Variants in ACVR1C observed in about 807,000 individuals in gnomAD.
The protein encoded by ACVR1C is activin receptor type-1C.
ACVR1C carries 23 observed loss-of-function variants against 57.9 expected under a neutral mutation model. The ratio of observed to expected loss-of-function variants is 0.40; its 90% CI spans 0.29 to 0.56. The LOEUF is 0.56. Ranked by LOEUF, ACVR1C falls within the 20% of genes least tolerant of loss-of-function variation. The pLI is 0.50. For synonymous variants in ACVR1C, 214 were observed against 215.3 expected (o/e 0.99, Z 0.05); for missense variants, 480 against 607.9 (o/e 0.79, Z 2.21).
At chr2:157,594,018 A>G (rs1162829818) in intron 1 of ACVR1C, among the ~76,000 whole-genome samples, 2 of 152,150 alleles carry the variant, frequency 1.3e-5, no homozygotes, top group Non-Finnish European at 2.9e-5. Flanking sequence ...CCTGTTAAAG[A>G]AGGCCTCACC....
At position 157,527,498 on chromosome 2, in the gene ACVR1C, AATTAGT is replaced by A; in HGVS notation, c.*6414_*6419del. The A allele has an allele frequency of 6.6e-6, 1 of 152,200 alleles. No individual in the cohort carries two copies. The highest frequency in any genetic ancestry group is 1.9e-4 in the East Asian group (1 of 5,208). The allele number at this position is 152,200 out of a possible 1,614,324, so 9.4% of individuals were successfully genotyped here. A position where few individuals can be genotyped will look rare whatever the true frequency, so the allele number is the denominator to read the frequency against. On this transcript the variant is annotated 3_prime_UTR_variant, in exon 9 of 9. Coordinates refer to ENST00000243349, the MANE Select transcript of ACVR1C (RefSeq NM_145259.3). The stretch of plus-strand genomic sequence containing the variant: ...AGTCACGCTACCAAAAGAAAAGTAT[AATTAGT>A]ATTAGTACTTTGAAAGTCAATCCAA...
rs770150920 is a variant in ACVR1C at position 157,538,555 on chromosome 2, A to AT, written c.1356+17dup. ...CAAAAATATAATAAGAAAAATATAG[A>AT]TAAAAACATGGCCTTACTTCACAAC... is the stretch of plus-strand genomic sequence containing the variant. On this transcript the variant is annotated intron_variant, in intron 8 of 8. Transcript: ENST00000243349. 6.5e-7 allele frequency: 1 copy of AT among 1,541,470 alleles called. No individual in the cohort carries two copies. Among genetic ancestry groups the AT allele is most frequent in the East Asian group, 2.3e-5 (1 of 42,666 alleles).
chr2:157,556,356 A>G (rs1223414803), intron 2 of ACVR1C, 24 bp from the exon 3 acceptor site: 1 of 1,609,538 alleles, frequency 6.2e-7, no homozygotes, highest in East Asian at 2.2e-5. Flanking sequence ...AAGAAAGAAC[A>G]TGACCATAAA....
At chr2:157,624,619 G>T (rs780366276) in intron 1 of ACVR1C, among the ~76,000 whole-genome samples, 1 of 152,136 alleles carries the variant, frequency 6.6e-6, no homozygotes, top group Non-Finnish European at 1.5e-5. Flanking sequence ...AGAAAACTAG[G>T]TATCCTTTCA....
intron 1 of ACVR1C, among the ~76,000 whole-genome samples, chr2:157,614,117 C>T (rs1682591873): frequency 6.6e-6 from 1 of 152,090 alleles, no homozygotes; most frequent in Non-Finnish European, 1.5e-5. Flanking sequence ...AAGGAATTTG[C>T]TCATTTTACC....
chr2:157,598,973 T>C (rs1316883636), intron 1 of ACVR1C, among the ~76,000 whole-genome samples: 1 of 152,028 alleles, frequency 6.6e-6, no homozygotes, highest in Non-Finnish European at 1.5e-5. Context: ...GGAAATGTTG[T>C]CTCAAGTGGA....
chr2:157,537,149 C>T (rs960146387), intron 8 of ACVR1C, among the ~76,000 whole-genome samples: 1 of 151,878 alleles, frequency 6.6e-6, no homozygotes, highest in Non-Finnish European at 1.5e-5. Context: ...AAGTAAACAA[C>T]ATATTGTTAT....
chr2:157,536,915 G>A (rs1358905440), intron 8 of ACVR1C, among the ~76,000 whole-genome samples: 1 of 152,078 alleles, frequency 6.6e-6, no homozygotes, highest in Non-Finnish European at 1.5e-5. Context: ...TGTATATTTG[G>A]TTTAACACTG....
Position 157,544,595 on chromosome 2 carries a change from G to A in ACVR1C, c.793C>T (p.Gln265Ter). 1 of 1,611,112 alleles carries A rather than the reference G, an allele frequency of 6.2e-7. No individual in the cohort carries two copies. Among genetic ancestry groups the A allele is most frequent in the Non-Finnish European group, 8.5e-7 (1 of 1,178,782 alleles). Reference sequence around the variant, plus strand: ...TGATATTCAGATACCAGCCAAAGTTGAGTCCAAGTTCCATTATCTAACAAG... The same window carrying A: ...TGATATTCAGATACCAGCCAAAGTTAAGTCCAAGTTCCATTATCTAACAAG... ...ADNKDNGTWT[Q>*]LWLVSEYHEQ... The change falls in exon 5 of 9, where the codon CAA (glutamine) becomes TAA (stop). Residue 265 changes from glutamine (Q) to a stop codon, truncating the protein, a stop_gained. Transcript: ENST00000243349. LOFTEE classifies it high-confidence loss of function.
rs905037794 is a variant in ACVR1C at position 157,548,031 on chromosome 2, A to G, written c.775+2131T>C. Among the ~76,000 whole-genome samples the G allele has an allele frequency of 9.7e-4, 147 of 152,174 alleles. 3 individuals are homozygous for G. The highest frequency in any genetic ancestry group is 9.8e-4 in the Admixed American group (15 of 15,278). On this transcript the variant is annotated intron_variant, in intron 4 of 8. Coordinates refer to ENST00000243349, the MANE Select transcript of ACVR1C (RefSeq NM_145259.3). ...GGAAGGGATCCAGTTTCAGCTTTCT[A>G]TTGTCTCAGCCCAAAATCTCCTTAA...
chr2:157,603,214 C>A (rs909991612), intron 1 of ACVR1C, among the ~76,000 whole-genome samples: 5 of 152,190 alleles, frequency 3.3e-5, no homozygotes, highest in African/African-American at 9.6e-5. Flanking sequence ...TACATGGAAA[C>A]TTACCTGATC....
intron 5 of ACVR1C, 42 bp from the exon 6 acceptor site, chr2:157,542,904 G>C: frequency 6.3e-7 from 1 of 1,586,754 alleles, no homozygotes; most frequent in Non-Finnish European, 8.6e-7. Context: ...TTCTTTACCG[G>C]AGACTGTTCA....
chr2:157,596,081 A>G (rs958945826), intron 1 of ACVR1C, among the ~76,000 whole-genome samples: 2 of 152,244 alleles, frequency 1.3e-5, no homozygotes, highest in African/African-American at 2.4e-5. Flanking sequence ...GTAAAATCCA[A>G]TAAAGATGTA....
chr2:157,538,528 C>G (rs747044544), intron 8 of ACVR1C, 45 bp downstream of exon 8: 43 of 1,482,308 alleles, frequency 2.9e-5, no homozygotes, highest in Non-Finnish European at 3.5e-5. Flanking sequence ...CGATACTCAC[C>G]TCAAAAATAT....
intron 4 of ACVR1C, among the ~76,000 whole-genome samples, chr2:157,549,529 C>T (rs1294224131): frequency 3.3e-5 from 5 of 152,130 alleles, no homozygotes; most frequent in Admixed American, 1.3e-4. Context: ...TTGGTTCCTG[C>T]ACCAAACCAG....
In ACVR1C at chr2:157,530,449, AAT is replaced by A. The variant is rs1360136427; in HGVS notation, c.*3467_*3468del. 6.6e-6 allele frequency: 1 copy of A among 152,066 alleles called. No individual in the cohort carries two copies. Among genetic ancestry groups the A allele is most frequent in the African/African-American group, 2.4e-5 (1 of 41,438 alleles). The allele number at this position is 152,066 out of a possible 1,614,324, so 9.4% of individuals were successfully genotyped here. Reference sequence around the variant, plus strand: ...GACAACCCTGAGTTTTCTCTGCCCCAATAAGTCACATGGTGGCAAAATTCCAG... The same window carrying A: ...GACAACCCTGAGTTTTCTCTGCCCCAAAGTCACATGGTGGCAAAATTCCAG... On this transcript the variant is annotated 3_prime_UTR_variant, in exon 9 of 9. Transcript: ENST00000243349.
chr2:157,572,860 T>C (rs1688551492), intron 2 of ACVR1C, among the ~76,000 whole-genome samples: 1 of 152,156 alleles, frequency 6.6e-6, no homozygotes, highest in South Asian at 2.1e-4. Flanking sequence ...AGGTGTGCCC[T>C]GTGTCCCCAG....
intron 1 of ACVR1C, among the ~76,000 whole-genome samples, chr2:157,624,752 G>C (rs1283428650): frequency 1.3e-5 from 2 of 152,134 alleles, no homozygotes; most frequent in African/African-American, 4.8e-5. Context: ...TAGAAAATAG[G>C]TCTTCACTTC....
At position 157,566,161 on chromosome 2, in the gene ACVR1C, T is replaced by C. The variant is rs894953085; in HGVS notation, c.305-9829A>G. ...GATAGTAATTATTCAAGAAATATTTTAGAGTTCTTTTTTTCTTAAATCAAC... is the reference window on the plus strand; with the variant it reads ...GATAGTAATTATTCAAGAAATATTTCAGAGTTCTTTTTTTCTTAAATCAAC... On this transcript the variant is annotated intron_variant, in intron 2 of 8. Coordinates refer to ENST00000243349, the MANE Select transcript of ACVR1C (RefSeq NM_145259.3). 4.3e-4 allele frequency among the ~76,000 whole-genome samples: 65 copies of C among 152,360 alleles called. 1 individual carries two copies. The highest frequency in any genetic ancestry group is 1.6e-3 in the African/African-American group (65 of 41,586).
Sources: allele counts gnomAD v4.1 joint callset (sites outside exome capture counted in the v4.1 genomes callset), GRCh38; gene constraint gnomAD v4.1.1; transcripts MANE v1.5; gene names NCBI Gene and HGNC (gene_info 2026-07-23, HGNC 2026-07-21).